The following TLN2 variants were observed in gnomAD, a reference collection of about 807,000 sequenced individuals.
TLN2 encodes talin-2.
Under a neutral mutation model 294.7 loss-of-function variants are expected in TLN2, and 118 were observed. That is an observed-to-expected ratio of 0.40 (90% CI 0.34 to 0.47). The LOEUF (loss-of-function observed/expected upper bound fraction) is 0.47. Among genes scored for constraint, TLN2 ranks in the 20% least tolerant of loss-of-function variants. The probability of loss-of-function intolerance (pLI) is 0.84; values close to 1 mark genes in which losing one functional copy is unlikely to be tolerated. For missense variants in TLN2, 3,083 were observed against 3,282.2 expected (o/e 0.94, Z 1.48); for synonymous variants, 1,431 against 1,304.5 (o/e 1.10, Z -2.09).
intron 16 of TLN2, 48 bp downstream of exon 16, chr15:62,698,915 A>G (rs1054046243): frequency 6.5e-6 from 10 of 1,542,900 alleles, no homozygotes; most frequent in East Asian, 2.3e-5. Flanking sequence ...CCCTGGCAGA[A>G]AGCAGGGTTA....
At chr15:62,484,901 A>C (rs2038306737) in intron 1 of TLN2, among the ~76,000 whole-genome samples, 1 of 152,184 alleles carries the variant, frequency 6.6e-6, no homozygotes, top group Non-Finnish European at 1.5e-5. Flanking sequence ...TTGTGACTTG[A>C]AACAACCCAA....
chr15:62,675,122 C>A, intron 10 of TLN2, 95 bp from the exon 11 acceptor site: 1 of 1,110,386 alleles, frequency 9.0e-7, no homozygotes, highest in Non-Finnish European at 1.3e-6. Context: ...TCATTCCTAG[C>A]CATTTATCTC....
chr15:62,793,145 G>T (rs1162983537), intron 46 of TLN2, among the ~76,000 whole-genome samples: 1 of 152,204 alleles, frequency 6.6e-6, no homozygotes, highest in African/African-American at 2.4e-5. Context: ...TGCAACCTCT[G>T]TTGACACCAT....
chr15:62,535,264 A>G (rs1043199228), intron 1 of TLN2, among the ~76,000 whole-genome samples: 1 of 152,160 alleles, frequency 6.6e-6, no homozygotes, highest in African/African-American at 2.4e-5. Flanking sequence ...GGCACTTCCA[A>G]AACTCAGAAA....
chr15:62,771,737 G>C (rs540008750), intron 42 of TLN2, among the ~76,000 whole-genome samples: 2 of 152,216 alleles, frequency 1.3e-5, no homozygotes, highest in Non-Finnish European at 2.9e-5. Context: ...TTCAGGAATA[G>C]TGAGTGGTCT....
intron 1 of TLN2, among the ~76,000 whole-genome samples, chr15:62,435,576 T>C (rs976097101): frequency 2.6e-5 from 4 of 152,234 alleles, no homozygotes; most frequent in Non-Finnish European, 5.9e-5. Flanking sequence ...AGTTTTGCTC[T>C]TGTCACCCAG....
At chr15:62,699,350 G>A (rs569350168) in intron 16 of TLN2, among the ~76,000 whole-genome samples, 2 of 152,020 alleles carry the variant, frequency 1.3e-5, no homozygotes, top group African/African-American at 4.8e-5. Flanking sequence ...CATCCGAAGG[G>A]CCTGTTAAAA....
At chr15:62,713,673 T>C (rs4775530) in intron 22 of TLN2, among the ~76,000 whole-genome samples, 133,671 of 151,728 alleles carry the variant, frequency 0.88, 60,121 homozygotes, top group Non-Finnish European at 0.97. Flanking sequence ...TGCAAGACTC[T>C]GTCTCAAAAA....
intron 37 of TLN2, 27 bp from the exon 38 acceptor site, chr15:62,761,654 C>G: frequency 6.2e-7 from 1 of 1,613,796 alleles, no homozygotes. Context: ...CTCAATTGGG[C>G]AGAATCTCCC....
intron 52 of TLN2, among the ~76,000 whole-genome samples, chr15:62,812,891 C>T (rs1013154474): frequency 1.1e-4 from 16 of 152,222 alleles, no homozygotes; most frequent in African/African-American, 3.6e-4. Context: ...TAGGAACTTT[C>T]CCAGGCCACA....
intron 1 of TLN2, among the ~76,000 whole-genome samples, chr15:62,532,740 G>C (rs1360758515): frequency 3.3e-5 from 5 of 152,148 alleles, no homozygotes; most frequent in Non-Finnish European, 7.3e-5. Flanking sequence ...CTCAGCTATA[G>C]TGTTTTAGCC....
chr15:62,664,875 A>AAAAAAAAAAAAAG lies in TLN2; in HGVS notation c.788+6980_788+6981insAAAAAAAAAGAAA, dbSNP rs1555462003. Among the ~76,000 whole-genome samples, 23 of 146,480 alleles carry AAAAAAAAAAAAAG rather than the reference A, an allele frequency of 1.6e-4. 1 individual carries two copies. The highest frequency in any genetic ancestry group is 5.1e-4 in the African/African-American group (19 of 37,450). On this transcript the variant is annotated intron_variant, in intron 9 of 58. Transcript: ENST00000636159. Reference sequence around the variant, plus strand: ...ACTGTCTCAAAAAAAAAAAAAAAAAAAAAGTGGCTACCTAATAAAGAAAGG... The same window carrying AAAAAAAAAAAAAG: ...ACTGTCTCAAAAAAAAAAAAAAAAAAAAAAAAAAAAAAGAAAGTGGCTACCTAATAAAGAAAGG...
Position 62,739,381 on chromosome 15 carries a change from C to T in TLN2, c.3721C>T (p.Gln1241Ter), listed in dbSNP as rs766610691. 6.2e-7 allele frequency: 1 copy of T among 1,614,004 alleles called. No homozygotes were observed. The highest frequency in any genetic ancestry group is 2.2e-5 in the East Asian group (1 of 44,880). ...PPSTKPFQEA[Q>*]SELNQAAADL... Reference sequence around the variant, plus strand: ...AAGCACGAAGCCTTTCCAGGAAGCCCAGAGTGAACTGAACCAGGCAGCAGC... The same window carrying T: ...AAGCACGAAGCCTTTCCAGGAAGCCTAGAGTGAACTGAACCAGGCAGCAGC... Residue 1241 changes from glutamine (Q) to a stop codon, truncating the protein, a stop_gained, in exon 31 of 59, where the codon CAG becomes TAG. Transcript: ENST00000636159. LOFTEE classifies it high-confidence loss of function.
chr15:62,601,888 C>T (rs2047042045), intron 2 of TLN2, among the ~76,000 whole-genome samples: 1 of 152,136 alleles, frequency 6.6e-6, no homozygotes, highest in African/African-American at 2.4e-5. Context: ...CTCAGATTGT[C>T]CCATATTTGG....
At chr15:62,448,258 T>G (rs963676825) in intron 1 of TLN2, among the ~76,000 whole-genome samples, 8 of 152,322 alleles carry the variant, frequency 5.3e-5, no homozygotes, top group African/African-American at 1.9e-4. Flanking sequence ...AGTGACAGGA[T>G]TCCCAGTCAG....
intron 9 of TLN2, among the ~76,000 whole-genome samples, chr15:62,663,926 A>G (rs1167159471): frequency 1.3e-5 from 2 of 152,036 alleles, no homozygotes; most frequent in African/African-American, 4.8e-5. Flanking sequence ...ACATCTCAAT[A>G]AAGCTGTTAA....
chr15:62,447,897 C>T (rs570977773), intron 1 of TLN2, among the ~76,000 whole-genome samples: 4 of 152,288 alleles, frequency 2.6e-5, no homozygotes, highest in South Asian at 2.1e-4. Flanking sequence ...CAAGCCAATT[C>T]GTAGGCTTGC....
intron 1 of TLN2, among the ~76,000 whole-genome samples, chr15:62,500,037 T>G (rs2039226365): frequency 6.6e-6 from 1 of 152,112 alleles, no homozygotes; most frequent in Non-Finnish European, 1.5e-5. Flanking sequence ...TGGTTTTCTC[T>G]TGTTTAAAAT....
intron 1 of TLN2, among the ~76,000 whole-genome samples, chr15:62,469,359 T>G (rs2037339110): frequency 2.0e-5 from 3 of 152,352 alleles, no homozygotes; most frequent in South Asian, 4.1e-4. Context: ...TGAGTTGATC[T>G]GTCTCAAAAG....
Sources: allele counts gnomAD v4.1 joint callset (sites outside exome capture counted in the v4.1 genomes callset), GRCh38; gene constraint gnomAD v4.1.1; transcripts MANE v1.5; gene names NCBI Gene and HGNC (gene_info 2026-07-23, HGNC 2026-07-21).